USP6NL: variants seen among roughly 807,000 people sequenced by gnomAD.
The protein encoded by USP6NL is USP6 N-terminal-like protein.
Under a neutral mutation model 61.9 loss-of-function variants are expected in USP6NL, and 26 were observed. The ratio of observed to expected loss-of-function variants is 0.42; its 90% CI spans 0.31 to 0.58. The LOEUF (loss-of-function observed/expected upper bound fraction) is 0.58, where lower values mean the gene tolerates loss of function less well. Among genes scored for constraint, USP6NL ranks in the 20% least tolerant of loss-of-function variants. The pLI, the probability that USP6NL is intolerant of heterozygous loss-of-function variation, is 0.16. For missense variants in USP6NL, 1,114 were observed against 1,034.3 expected, an observed-to-expected ratio of 1.08 and a Z score of -1.06; for synonymous variants, 432 against 390.1, an observed-to-expected ratio of 1.11 and a Z score of -1.27.
At chr10:11,542,348 C>CA (rs1836098939) in intron 2 of USP6NL, among the ~76,000 whole-genome samples, 1 of 152,088 alleles carries the variant, frequency 6.6e-6, no homozygotes, top group East Asian at 1.9e-4. Context: ...TTAAATGCTA[C>CA]AAAAAAGCTG....
At chr10:11,526,384 T>A (rs952008729) in intron 3 of USP6NL, among the ~76,000 whole-genome samples, 1 of 152,290 alleles carries the variant, frequency 6.6e-6, no homozygotes, top group Admixed American at 6.5e-5. Context: ...CACTCCTGTC[T>A]ATGAATCCCC....
At chr10:11,603,474 T>C (rs1838615348) in intron 1 of USP6NL, among the ~76,000 whole-genome samples, 1 of 152,172 alleles carries the variant, frequency 6.6e-6, no homozygotes, top group Admixed American at 6.5e-5. Context: ...GGATACAATA[T>C]ATCTGGTGTT....
chr10:11,525,420 C>G lies in USP6NL; in HGVS notation c.121G>C (p.Val41Leu). The G allele has an allele frequency of 6.3e-7, 1 of 1,598,790 alleles. No individual in the cohort carries two copies. Residue 41 changes from valine to leucine, a missense_variant, in exon 4 of 15, where the codon GTT (valine) becomes CTT (leucine). Val to Leu is a conservative substitution (Grantham distance 32). Coordinates refer to ENST00000609104, the MANE Select transcript of USP6NL (RefSeq NM_014688.5). The surrounding 1 kb of genome is among the most constrained non-coding windows in gnomAD (Gnocchi z 5.0). ...IEPWEDADYLVYKVTDRFGFL... is the reference protein window; with the variant it reads ...IEPWEDADYLLYKVTDRFGFL... ...CCAAATCTATCTGTGACTTTGTAAACAAGGTAATCAGCATCTTCCCAAGGT... is the reference window on the plus strand; with the variant it reads ...CCAAATCTATCTGTGACTTTGTAAAGAAGGTAATCAGCATCTTCCCAAGGT...
rs889527619 is a variant in USP6NL, at chr10:11,561,997, TA to T, written c.5-34431del. ...TCTTTTTAAGCAAGGATGTTCTGAG[TA>T]AAAAAAAGAAATTTGCTCATGCCTG... On this transcript the variant is annotated intron_variant, in intron 2 of 14. Coordinates refer to ENST00000609104, the MANE Select transcript of USP6NL (RefSeq NM_014688.5). The surrounding 1 kb of genome is among the most constrained non-coding windows in gnomAD (Gnocchi z 4.1). 9.0e-4 allele frequency among the ~76,000 whole-genome samples: 136 copies of T among 151,908 alleles called. No individual in the cohort carries two copies. The highest frequency in any genetic ancestry group is 3.2e-3 in the African/African-American group (133 of 41,472).
Position 11,602,282 on chromosome 10 carries a change from C to G in USP6NL, c.-83-4565G>C, listed in dbSNP as rs942612685. 6.6e-6 allele frequency among the ~76,000 whole-genome samples: 1 copy of G among 152,128 alleles called. No individual in the cohort carries two copies. Among genetic ancestry groups the G allele is most frequent in the African/African-American group, 2.4e-5 (1 of 41,428 alleles). ...CTCAACCAAGCTACATTTGTTTCCT[C>G]AAAGGCTATAACTCAATACTTAAAT... On this transcript the variant is annotated intron_variant, in intron 1 of 14. Coordinates refer to ENST00000609104, the MANE Select transcript of USP6NL (RefSeq NM_014688.5). This position sits in a 1 kb window ranked among gnomAD's most constrained non-coding sequence, Gnocchi z 4.8.
chr10:11,478,431 A>G lies in USP6NL; in HGVS notation c.1078+3339T>C, dbSNP rs1295223654. 6.6e-6 allele frequency among the ~76,000 whole-genome samples: 1 copy of G among 152,172 alleles called. No homozygotes were observed. The highest frequency in any genetic ancestry group is 1.5e-5 in the Non-Finnish European group (1 of 68,040). On this transcript the variant is annotated intron_variant, in intron 14 of 14. Transcript: ENST00000609104. This position sits in a 1 kb window ranked among gnomAD's most constrained non-coding sequence, Gnocchi z 6.8. Reference sequence around the variant, plus strand: ...AACAAACCTCAACGACTGTAAAATAAAAGCTTTTACTTAGAAAAACTCAAT... The same window carrying G: ...AACAAACCTCAACGACTGTAAAATAGAAGCTTTTACTTAGAAAAACTCAAT...
intron 2 of USP6NL, among the ~76,000 whole-genome samples, chr10:11,584,241 A>G (rs950938763): frequency 3.9e-5 from 6 of 152,174 alleles, no homozygotes; most frequent in African/African-American, 1.2e-4. Context: ...CTCTGTGTGT[A>G]TAGCCTTGGA....
intron 2 of USP6NL, among the ~76,000 whole-genome samples, chr10:11,559,955 G>T (rs1207152735): frequency 1.3e-5 from 2 of 151,940 alleles, no homozygotes; most frequent in Non-Finnish European, 1.5e-5. Flanking sequence ...ATTTGTGCAT[G>T]AAAAAAAGAC....
intron 10 of USP6NL, among the ~76,000 whole-genome samples, chr10:11,488,526 T>G (rs1833574682): frequency 6.6e-6 from 1 of 152,256 alleles, no homozygotes; most frequent in African/African-American, 2.4e-5. Context: ...GGTTCTGAGA[T>G]ATTAAATAAT....
At position 11,494,266 on chromosome 10, in the gene USP6NL, T is replaced by G. The variant is rs966208767; in HGVS notation, c.385-1038A>C. ...CTCTAGAAGCTTGTAGGAGTTTCTC[T>G]CTCCATGTATTGAAACTTCACATTT... is the stretch of plus-strand genomic sequence containing the variant. On this transcript the variant is annotated intron_variant, in intron 7 of 14. Transcript: ENST00000609104. 3.9e-5 allele frequency among the ~76,000 whole-genome samples: 6 copies of G among 152,342 alleles called. No individual in the cohort carries two copies. In the East Asian group the frequency reaches 1.2e-3, roughly 29 times the overall value.
At chr10:11,484,396 GTT>G (rs34864370) in intron 13 of USP6NL, among the ~76,000 whole-genome samples, 12 of 144,798 alleles carry the variant, frequency 8.3e-5, no homozygotes, top group South Asian at 2.2e-4. Context: ...AAATTCTCCA[GTT>G]TTTTTTTTTT....
At position 11,597,567 on chromosome 10, in the gene USP6NL, C is replaced by G; in HGVS notation, c.4+64G>C. On this transcript the variant is annotated intron_variant, in intron 2 of 14. Coordinates refer to ENST00000609104, the MANE Select transcript of USP6NL (RefSeq NM_014688.5). This position sits in a 1 kb window ranked among gnomAD's most constrained non-coding sequence, Gnocchi z 4.6. ...ATTTATTCAGTAACATGTTTTTCTT[C>G]TCCTAAGCACAATACAGCAAACGCT... is the stretch of plus-strand genomic sequence containing the variant. 1 of 1,514,956 alleles carries G rather than the reference C, an allele frequency of 6.6e-7. No individual in the cohort carries two copies. Among genetic ancestry groups the G allele is most frequent in the Non-Finnish European group, 9.0e-7 (1 of 1,114,284 alleles). The allele number at this position is 1,514,956 out of a possible 1,614,324, so 93.8% of individuals were successfully genotyped here.
chr10:11,544,209 A>AT (rs1175595640), intron 2 of USP6NL, among the ~76,000 whole-genome samples: 3 of 150,120 alleles, frequency 2.0e-5, no homozygotes, highest in Non-Finnish European at 3.0e-5. Context: ...CCATAAATGG[A>AT]TTTTTTACAT....
rs114365928 is a variant in USP6NL at position 11,531,233 on chromosome 10, C to G, written c.5-3666G>C. Among the ~76,000 whole-genome samples, 373 of 152,234 alleles carry G rather than the reference C, an allele frequency of 2.5e-3. 2 individuals are homozygous for G. The highest frequency in any genetic ancestry group is 8.3e-3 in the African/African-American group (344 of 41,540). ...AATATTACAGTAATTAAAGAGTAATCAGTGTTAAAATAATTGTAGCTGAAG... is the reference window on the plus strand; with the variant it reads ...AATATTACAGTAATTAAAGAGTAATGAGTGTTAAAATAATTGTAGCTGAAG... On this transcript the variant is annotated intron_variant, in intron 2 of 14. Coordinates refer to ENST00000609104, the MANE Select transcript of USP6NL (RefSeq NM_014688.5).
intron 2 of USP6NL, among the ~76,000 whole-genome samples, chr10:11,534,756 C>G (rs1237664042): frequency 6.6e-6 from 1 of 152,166 alleles, no homozygotes; most frequent in Non-Finnish European, 1.5e-5. Context: ...GTTTCCTTCC[C>G]TACACACCTC....
intron 2 of USP6NL, among the ~76,000 whole-genome samples, chr10:11,580,428 T>G (rs535521913): frequency 6.6e-6 from 1 of 152,298 alleles, no homozygotes; most frequent in Admixed American, 6.5e-5. Flanking sequence ...GCTACAAGGA[T>G]GTTTGCAATG....
intron 2 of USP6NL, among the ~76,000 whole-genome samples, chr10:11,542,682 G>A (rs921136483): frequency 1.3e-5 from 2 of 152,178 alleles, no homozygotes; most frequent in African/African-American, 4.8e-5. Flanking sequence ...TCAGGCCACT[G>A]CACTCCAGCC....
intron 3 of USP6NL, among the ~76,000 whole-genome samples, chr10:11,527,266 G>T (rs1177832061): frequency 6.6e-6 from 1 of 152,202 alleles, no homozygotes; most frequent in Non-Finnish European, 1.5e-5. Context: ...GAAACAGCCA[G>T]TGCAAAGGCC....
Position 11,485,170 on chromosome 10 carries a change from C to G in USP6NL, c.824G>C (p.Arg275Pro). 6.5e-7 allele frequency: 1 copy of G among 1,540,442 alleles called. No homozygotes were observed. The highest frequency in any genetic ancestry group is 8.7e-7 in the Non-Finnish European group (1 of 1,144,508). Residue 275 changes from arginine to proline, a missense_variant and splice_region_variant, in exon 12 of 15, where the codon CGT becomes CCT. Physicochemically the swap from Arg to Pro is moderately radical, Grantham distance 103. Transcript: ENST00000609104. This position sits in a 1 kb window ranked among gnomAD's most constrained non-coding sequence, Gnocchi z 4.8. ...MKWFFQCFLD[R>P]TPFTLNLRIW... Reference sequence around the variant, plus strand: ...TGAGTTTTGTAAATAAATACTTACACGATCAAGGAAACACTGAAAAAACCA... The same window carrying G: ...TGAGTTTTGTAAATAAATACTTACAGGATCAAGGAAACACTGAAAAAACCA...
Sources: gnomAD v4.1 joint callset for allele counts (sites outside exome capture counted in the v4.1 genomes callset) on GRCh38, gnomAD v4.1.1 for gene constraint, Gnocchi (gnomAD v3.1) non-coding constraint, MANE v1.5 for transcripts, NCBI Gene and HGNC (gene_info 2026-07-23, HGNC 2026-07-21) for gene names.